The following SLC44A3 variants were observed in gnomAD, a reference collection of about 807,000 sequenced individuals.
SLC44A3 encodes the protein choline transporter-like protein 3.
In SLC44A3, 74 loss-of-function variants were observed where a neutral mutation model predicts 75.4. The observed-to-expected ratio is 0.98, with a 90% CI of 0.81 to 1.19. SLC44A3 has a LOEUF of 1.19. Ranked by LOEUF, SLC44A3 falls within the 50% of genes most tolerant of loss-of-function variation. SLC44A3 has a pLI of 0.00. For missense variants in SLC44A3, 700 were observed against 778.6 expected, an observed-to-expected ratio of 0.90 and a Z score of 1.20; for synonymous variants, 310 against 296.9, an observed-to-expected ratio of 1.04 and a Z score of -0.45.
intron 12 of SLC44A3, among the ~76,000 whole-genome samples, chr1:94,884,360 A>G (rs1449991328): frequency 6.6e-6 from 1 of 152,244 alleles, no homozygotes; most frequent in East Asian, 1.9e-4. Context: ...TGATAAAAAC[A>G]GGGCTCAAGA....
At chr1:94,840,467 T>G (rs1663471442) in intron 7 of SLC44A3, among the ~76,000 whole-genome samples, 1 of 151,962 alleles carries the variant, frequency 6.6e-6, no homozygotes, top group Non-Finnish European at 1.5e-5. Flanking sequence ...TTTTTGTATT[T>G]TTTGTAGAGA....
chr1:94,848,122 G>A (rs548709104), intron 9 of SLC44A3, among the ~76,000 whole-genome samples: 24 of 152,132 alleles, frequency 1.6e-4, no homozygotes, highest in South Asian at 6.2e-4. Context: ...CCAGCTACTC[G>A]GGAGGCTGAG....
At chr1:94,859,320 C>G (rs552521239) in intron 10 of SLC44A3, among the ~76,000 whole-genome samples, 1 of 152,188 alleles carries the variant, frequency 6.6e-6, no homozygotes, top group African/African-American at 2.4e-5. Flanking sequence ...CTCAAAAAAT[C>G]ATGAAAGATT....
At chr1:94,865,774 A>G (rs1363063938) in intron 11 of SLC44A3, among the ~76,000 whole-genome samples, 1 of 152,198 alleles carries the variant, frequency 6.6e-6, no homozygotes, top group African/African-American at 2.4e-5. Context: ...GAGTATAGCT[A>G]TGTGTCCTTA....
At chr1:94,826,649 A>G (rs1196811777) in intron 3 of SLC44A3, among the ~76,000 whole-genome samples, 3 of 152,146 alleles carry the variant, frequency 2.0e-5, no homozygotes, top group African/African-American at 4.8e-5. Flanking sequence ...AAAAAAAAAA[A>G]AAAGAAAGAT....
intron 5 of SLC44A3, among the ~76,000 whole-genome samples, chr1:94,835,491 G>A (rs999085760): frequency 6.6e-6 from 1 of 152,216 alleles, no homozygotes; most frequent in Non-Finnish European, 1.5e-5. Context: ...TTAGGGGAAT[G>A]TGAGTGAAGG....
chr1:94,843,137 C>T (rs982861508), intron 8 of SLC44A3: 3 of 152,278 alleles, frequency 2.0e-5, no homozygotes, highest in Non-Finnish European at 2.9e-5. Context: ...GGGGAGGGTC[C>T]AGTTCCTCCG....
chr1:94,845,132 G>A, intron 8 of SLC44A3, 146 bp from the exon 9 acceptor site: 1 of 791,248 alleles, frequency 1.3e-6, no homozygotes, highest in Non-Finnish European at 2.0e-6. Context: ...GTTTGCGAAT[G>A]CATCTGTAAA....
chr1:94,893,902 C>T (rs551103014), intron 14 of SLC44A3, among the ~76,000 whole-genome samples: 2 of 151,958 alleles, frequency 1.3e-5, no homozygotes, highest in South Asian at 4.2e-4. Context: ...TGAGACCAGC[C>T]TGGCCAACAT....
At chr1:94,866,853 A>G (rs1667220451) in intron 11 of SLC44A3, among the ~76,000 whole-genome samples, 1 of 152,200 alleles carries the variant, frequency 6.6e-6, no homozygotes, top group African/African-American at 2.4e-5. Flanking sequence ...AAAAAATCTC[A>G]CTACAGGATT....
chr1:94,844,116 C>T (rs980259040), intron 8 of SLC44A3, among the ~76,000 whole-genome samples: 1 of 151,836 alleles, frequency 6.6e-6, no homozygotes, highest in Non-Finnish European at 1.5e-5. Flanking sequence ...GAAATTCAGA[C>T]GAGAAAACAT....
chr1:94,881,252 C>A (rs1404722387), intron 12 of SLC44A3, among the ~76,000 whole-genome samples: 1 of 152,120 alleles, frequency 6.6e-6, no homozygotes, highest in Non-Finnish European at 1.5e-5. Context: ...CCTAGGCTCA[C>A]CAACAGTGTG....
At chr1:94,830,127 TC>T (rs1372954219) in intron 5 of SLC44A3, among the ~76,000 whole-genome samples, 1 of 152,256 alleles carries the variant, frequency 6.6e-6, no homozygotes, top group Non-Finnish European at 1.5e-5. Flanking sequence ...TTTGTGATAT[TC>T]TTTTCTAAAA....
rs138630420 is a variant in SLC44A3 at position 94,853,313 on chromosome 1, T to C, written c.1073-4022T>C. ...GACCACTGAATAATCATGATTGGAGTAGGTGAAGAGAAAGTGGGAGGAAAA... is the reference window on the plus strand; with the variant it reads ...GACCACTGAATAATCATGATTGGAGCAGGTGAAGAGAAAGTGGGAGGAAAA... On this transcript the variant is annotated intron_variant, in intron 9 of 14. Coordinates refer to ENST00000271227, the MANE Select transcript of SLC44A3 (RefSeq NM_001114106.3). Among the ~76,000 whole-genome samples the C allele has an allele frequency of 2.6e-5, 4 of 151,600 alleles. No individual in the cohort carries two copies. In the South Asian group the frequency reaches 6.3e-4, roughly 24 times the overall value.
At chr1:94,865,446 G>A (rs1195635545) in intron 11 of SLC44A3, among the ~76,000 whole-genome samples, 2 of 152,158 alleles carry the variant, frequency 1.3e-5, no homozygotes, top group African/African-American at 4.8e-5. Context: ...ACATGCGTGT[G>A]TACACATGCG....
chr1:94,883,761 G>A (rs983121813), intron 12 of SLC44A3, among the ~76,000 whole-genome samples: 3 of 152,212 alleles, frequency 2.0e-5, no homozygotes, highest in Admixed American at 1.3e-4. Flanking sequence ...GTGTGAAGGT[G>A]CAATTTGTCT....
chr1:94,839,839 A>G, intron 6 of SLC44A3, 109 bp from the exon 7 acceptor site: 1 of 783,852 alleles, frequency 1.3e-6, no homozygotes, highest in Non-Finnish European at 2.3e-6. Context: ...GAGATTGAAT[A>G]CAATCCTCAG....
At position 94,867,413 on chromosome 1, in the gene SLC44A3, A is replaced by G; in HGVS notation, c.1478A>G (p.Asn493Ser). 2 of 1,605,326 alleles carry G rather than the reference A, an allele frequency of 1.2e-6. No homozygotes were observed. The highest frequency in any genetic ancestry group is 8.5e-7 in the Non-Finnish European group (1 of 1,174,872). Residue 493 changes from asparagine (N) to serine (S), a missense_variant, in exon 12 of 15, where the codon AAC becomes AGC. By Grantham distance (46) the Asn-to-Ser change is conservative (BLOSUM62 1). Transcript: ENST00000271227. ...CTTGACAAATACCTGCTCCATCTCAACCAGGTACGTCTCTACCTCTTGCCT... is the reference window on the plus strand; with the variant it reads ...CTTGACAAATACCTGCTCCATCTCAGCCAGGTACGTCTCTACCTCTTGCCT... ...WCLDKYLLHL[N>S]QNAYTTTAIN...
At chr1:94,872,077 CTGT>C (rs1400706406) in intron 12 of SLC44A3, among the ~76,000 whole-genome samples, 1 of 152,104 alleles carries the variant, frequency 6.6e-6, no homozygotes, top group African/African-American at 2.4e-5. Context: ...TGTTTTACTT[CTGT>C]TGAGTATTCC....
Sources: allele counts gnomAD v4.1 joint callset (sites outside exome capture counted in the v4.1 genomes callset), GRCh38; gene constraint gnomAD v4.1.1; transcripts MANE v1.5; gene names NCBI Gene and HGNC (gene_info 2026-07-23, HGNC 2026-07-21).